Variants in PHACTR2 observed in about 807,000 individuals in gnomAD.
PHACTR2 encodes the protein phosphatase and actin regulator 2.
PHACTR2 carries 30 observed loss-of-function variants against 76.0 expected under a neutral mutation model. That is an observed-to-expected ratio of 0.39 (90% confidence interval 0.30 to 0.54). The LOEUF (loss-of-function observed/expected upper bound fraction) is 0.54. Ranked by LOEUF, PHACTR2 falls within the 20% of genes least tolerant of loss-of-function variation. PHACTR2 has a pLI of 0.61. For missense variants in PHACTR2, 696 were observed against 781.1 expected (o/e 0.89, Z 1.30); for synonymous variants, 292 against 292.5 (o/e 1.00, Z 0.02).
intron 1 of PHACTR2, among the ~76,000 whole-genome samples, chr6:143,665,511 T>C (rs1192015231): frequency 6.6e-6 from 1 of 152,234 alleles, no homozygotes; most frequent in East Asian, 1.9e-4. Context: ...TTTTAAGTAA[T>C]GGCAATTTGA....
At chr6:143,660,562 G>C (rs574593096) in intron 1 of PHACTR2, among the ~76,000 whole-genome samples, 2 of 152,164 alleles carry the variant, frequency 1.3e-5, no homozygotes, top group South Asian at 2.1e-4. Flanking sequence ...GCAGTGTATT[G>C]ATACGGATCA....
At chr6:143,555,203 C>G (rs151337474) in intron 1 of PHACTR2, 3 of 152,058 alleles carry the variant, frequency 2.0e-5, no homozygotes, top group African/African-American at 7.3e-5. Flanking sequence ...TGCACATTTA[C>G]GTCGAGCCTG....
intron 1 of PHACTR2, among the ~76,000 whole-genome samples, chr6:143,694,192 G>A (rs1319778015): frequency 1.3e-5 from 2 of 148,380 alleles, no homozygotes; most frequent in Non-Finnish European, 3.0e-5. Flanking sequence ...AGGGAGGGAG[G>A]GAGGAAAGGA....
At chr6:143,773,602 G>A (rs1279425703) in intron 7 of PHACTR2, among the ~76,000 whole-genome samples, 1 of 152,102 alleles carries the variant, frequency 6.6e-6, no homozygotes, top group Non-Finnish European at 1.5e-5. Flanking sequence ...GGATTCTGGG[G>A]TAATTAAGGG....
intron 1 of PHACTR2, among the ~76,000 whole-genome samples, chr6:143,593,700 G>A (rs976518157): frequency 5.9e-5 from 9 of 152,158 alleles, no homozygotes; most frequent in Admixed American, 6.5e-5. Context: ...ATGTTTATAA[G>A]ATGATTCCTA....
At chr6:143,574,394 T>C (rs1295264701) in intron 1 of PHACTR2, among the ~76,000 whole-genome samples, 1 of 152,242 alleles carries the variant, frequency 6.6e-6, no homozygotes, top group Non-Finnish European at 1.5e-5. Flanking sequence ...TACAAAGGCA[T>C]GGCCATTGGA....
At chr6:143,715,093 C>A (rs1177599637) in intron 2 of PHACTR2, among the ~76,000 whole-genome samples, 1 of 152,190 alleles carries the variant, frequency 6.6e-6, no homozygotes, top group Non-Finnish European at 1.5e-5. Flanking sequence ...TTTCCCACTG[C>A]AATCTATCTC....
Position 143,695,236 on chromosome 6 carries a change from G to C in PHACTR2, c.47-16780G>C, listed in dbSNP as rs1777745526. ...CCGAATCCAGATTATGATGGATTGG[G>C]CATGGGGATCAGGGCATGCAGAAGC... On this transcript the variant is annotated intron_variant, in intron 1 of 12. Coordinates refer to ENST00000440869, the MANE Select transcript of PHACTR2 (RefSeq NM_001100164.2). The surrounding 1 kb of genome is among the most constrained non-coding windows in gnomAD (Gnocchi z 4.4). 6.6e-6 allele frequency among the ~76,000 whole-genome samples: 1 copy of C among 152,198 alleles called. No individual in the cohort carries two copies. The highest frequency in any genetic ancestry group is 2.1e-4 in the South Asian group (1 of 4,838).
At chr6:143,797,188 G>A (rs1293854026) in intron 11 of PHACTR2, among the ~76,000 whole-genome samples, 2 of 152,150 alleles carry the variant, frequency 1.3e-5, no homozygotes, top group Admixed American at 6.5e-5. Context: ...TCATATGTCT[G>A]TTGGCTGCAT....
rs370028192 is a variant in PHACTR2 at position 143,635,448 on chromosome 6, A to T, written c.13+27126A>T. Among the ~76,000 whole-genome samples, 122 of 152,288 alleles carry T rather than the reference A, an allele frequency of 8.0e-4. 2 individuals carry two copies. The South Asian group carries it at 0.024, about 31-fold the overall frequency. ...AACTCTTCAAAGTTGGAATTGTGGG[A>T]TCAAAAGTACGTAGCTTTAAAATCT... On this transcript the variant is annotated intron_variant, in intron 1 of 11. Coordinates refer to the PHACTR2 transcript ENST00000305766.
chr6:143,661,779 A>T lies in PHACTR2; in HGVS notation c.14-50237A>T, dbSNP rs573192723. ...ACCAGGTTGACCAGGCTGATGTCGA[A>T]CTCCTGGCCTCATGTGATTCGCTTG... On this transcript the variant is annotated intron_variant, in intron 1 of 11. Transcript: ENST00000305766. 2.6e-5 allele frequency among the ~76,000 whole-genome samples: 4 copies of T among 151,148 alleles called. No individual in the cohort carries two copies. In the South Asian group the frequency reaches 6.3e-4, roughly 24 times the overall value.
At chr6:143,681,581 A>T (rs1777389516) in intron 1 of PHACTR2, among the ~76,000 whole-genome samples, 1 of 151,442 alleles carries the variant, frequency 6.6e-6, no homozygotes, top group South Asian at 2.1e-4. Flanking sequence ...TCAGAATTTT[A>T]AAGTTTTGAT....
At chr6:143,687,358 C>G (rs1777548707) in intron 1 of PHACTR2, among the ~76,000 whole-genome samples, 1 of 152,084 alleles carries the variant, frequency 6.6e-6, no homozygotes, top group Non-Finnish European at 1.5e-5. Flanking sequence ...ACAATTAAGC[C>G]TATTTAATTT....
At position 143,536,971 on chromosome 6, in the gene PHACTR2, G is replaced by A; in HGVS notation, c.-20G>A. The A allele has an allele frequency of 6.5e-6, 1 of 155,010 alleles. No homozygotes were observed. Among genetic ancestry groups the A allele is most frequent in the Non-Finnish European group, 1.4e-5 (1 of 71,010 alleles). The allele number at this position is 155,010 out of a possible 1,614,324, so 9.6% of individuals were successfully genotyped here. On this transcript the variant is annotated 5_prime_UTR_variant, in exon 1 of 12. Transcript: ENST00000367584. The surrounding 1 kb of genome is among the most constrained non-coding windows in gnomAD (Gnocchi z 5.4). ...CGGCGCCGGCCCCACCCGGTGCTCC[G>A]GCCCCGCCGCCGGGAGCCGATGGCC...
rs910282085 is a variant in PHACTR2 at position 143,818,845 on chromosome 6, G to A, written c.1923-4829G>A. 5.3e-5 allele frequency among the ~76,000 whole-genome samples: 8 copies of A among 152,178 alleles called. No homozygotes were observed. The highest frequency in any genetic ancestry group is 2.0e-4 in the Admixed American group (3 of 15,280). On this transcript the variant is annotated intron_variant, in intron 12 of 12. Coordinates refer to ENST00000440869, the MANE Select transcript of PHACTR2 (RefSeq NM_001100164.2). The surrounding 1 kb of genome is among the most constrained non-coding windows in gnomAD (Gnocchi z 4.9). ...AGATTACAATTCAAGGTGAGGTTTC[G>A]GAGGGAACACAGCCAAACCATATCA...
upstream of PHACTR2, among the ~76,000 whole-genome samples, chr6:143,673,776 C>T (rs115713969): frequency 1.9e-3 from 280 of 151,330 alleles, 2 homozygotes; most frequent in African/African-American, 6.5e-3. Flanking sequence ...GTGGGGCTCA[C>T]TCACTAAGCA....
chr6:143,666,577 G>T lies in PHACTR2; in HGVS notation c.14-45439G>T, dbSNP rs970377557. On this transcript the variant is annotated intron_variant, in intron 1 of 11. Transcript: ENST00000305766. ...TTTTTAATGATCGCCATTCTAACTG[G>T]CATGAGATAGTTTCTCATTGTGGTT... 2.0e-5 allele frequency among the ~76,000 whole-genome samples: 3 copies of T among 152,138 alleles called. No individual in the cohort carries two copies. The East Asian group carries it at 5.8e-4, about 29-fold the overall frequency.
In PHACTR2 at chr6:143,816,947, T is replaced by G. The variant is rs1164193106; in HGVS notation, c.1923-6727T>G. 6.6e-6 allele frequency among the ~76,000 whole-genome samples: 1 copy of G among 152,090 alleles called. No homozygotes were observed. Among genetic ancestry groups the G allele is most frequent in the African/African-American group, 2.4e-5 (1 of 41,412 alleles). The stretch of plus-strand genomic sequence containing the variant: ...CAAGTGTGGTGGCGAGTGCCTGTAT[T>G]CCCAGCTACTTGGGAGGCTGAGGCA... On this transcript the variant is annotated intron_variant, in intron 12 of 12. Coordinates refer to ENST00000440869, the MANE Select transcript of PHACTR2 (RefSeq NM_001100164.2). The surrounding 1 kb of genome is among the most constrained non-coding windows in gnomAD (Gnocchi z 4.5).
rs1170080179 is a variant in PHACTR2, at chr6:143,824,385, A to T, written c.*696A>T. The stretch of plus-strand genomic sequence containing the variant: ...GCAAGAGCTTCTACTGACTCTTAAC[A>T]AGCATGCTTACCCAAATTTTGTTGC... On this transcript the variant is annotated 3_prime_UTR_variant, in exon 13 of 13. Coordinates refer to ENST00000440869, the MANE Select transcript of PHACTR2 (RefSeq NM_001100164.2). This position sits in a 1 kb window ranked among gnomAD's most constrained non-coding sequence, Gnocchi z 6.3. The T allele has an allele frequency of 6.6e-6, 1 of 152,642 alleles. No homozygotes were observed. Among genetic ancestry groups the T allele is most frequent in the Non-Finnish European group, 1.5e-5 (1 of 68,056 alleles). 9.5% of individuals were successfully genotyped at this position (152,642 alleles called of 1,614,324 possible). A position where few individuals can be genotyped will look rare whatever the true frequency, so the allele number is the denominator to read the frequency against.
Sources: gnomAD v4.1 joint callset for allele counts (sites outside exome capture counted in the v4.1 genomes callset) on GRCh38, gnomAD v4.1.1 for gene constraint, Gnocchi (gnomAD v3.1) non-coding constraint, MANE v1.5 for transcripts, NCBI Gene and HGNC (gene_info 2026-07-23, HGNC 2026-07-21) for gene names.